PAN3: variants seen among roughly 807,000 people sequenced by gnomAD.
PAN3 encodes poly(A) specific ribonuclease subunit PAN3.
Under a neutral mutation model 96.2 loss-of-function variants are expected in PAN3, and 19 were observed. That is an observed-to-expected ratio of 0.20 (90% CI 0.14 to 0.29). The LOEUF (loss-of-function observed/expected upper bound fraction) is 0.29. Ranked by LOEUF, PAN3 falls within the 10% of genes least tolerant of loss-of-function variation. The pLI is 1.00. For missense variants in PAN3, 882 were observed against 1,108.1 expected, an observed-to-expected ratio of 0.80 and a Z score of 2.90; for synonymous variants, 433 against 406.6, an observed-to-expected ratio of 1.06 and a Z score of -0.78.
chr13:28,247,741 T>A (rs1367796142), intron 6 of PAN3, among the ~76,000 whole-genome samples: 1 of 152,168 alleles, frequency 6.6e-6, no homozygotes, highest in African/African-American at 2.4e-5. Flanking sequence ...CCTATAAATA[T>A]GTGTATTTAT....
intron 7 of PAN3, among the ~76,000 whole-genome samples, chr13:28,258,416 C>T (rs1211277814): frequency 2.0e-5 from 3 of 152,100 alleles, no homozygotes; most frequent in Non-Finnish European, 4.4e-5. Context: ...ATAAAGAGAA[C>T]AAAGGGTGGT....
intron 5 of PAN3, chr13:28,214,651 T>C (rs1372384431): frequency 4.6e-6 from 2 of 435,002 alleles, no homozygotes; most frequent in Non-Finnish European, 8.5e-6. Flanking sequence ...AAAAGGAGGC[T>C]GCTGAGATGG....
chr13:28,232,710 G>A (rs1465936709), intron 6 of PAN3: 1 of 152,102 alleles, frequency 6.6e-6, no homozygotes, highest in African/African-American at 2.4e-5. Flanking sequence ...GATATGCACA[G>A]AATTACATAT....
rs142053243 is a variant in PAN3 at position 28,209,388 on chromosome 13, G to T, written c.853-10843G>T. Reference sequence around the variant, plus strand: ...TACGCATTCCCCCATTCCCTCTCAGGCATAAGGAAACTATTTTACATAAAT... The same window carrying T: ...TACGCATTCCCCCATTCCCTCTCAGTCATAAGGAAACTATTTTACATAAAT... On this transcript the variant is annotated intron_variant, in intron 5 of 18. Coordinates refer to ENST00000380958, the MANE Select transcript of PAN3 (RefSeq NM_175854.8). Among the ~76,000 whole-genome samples, 263 of 152,222 alleles carry T rather than the reference G, an allele frequency of 1.7e-3. 2 individuals are homozygous for T. The highest frequency in any genetic ancestry group is 5.8e-3 in the African/African-American group (242 of 41,528).
At position 28,138,866 on chromosome 13, in the gene PAN3, AC is replaced by A; in HGVS notation, c.212del (p.Pro71LeufsTer82). On this transcript the variant is annotated frameshift_variant, in exon 1 of 19. Transcript: ENST00000380958. LOFTEE classifies it high-confidence loss of function. ...YGEECQFLHE[D>X]PAAGAAPGLG... is the part of the protein sequence containing the mutation. ...GAGGAGTGTCAGTTCCTGCATGAGG[AC>A]CCTGCCGCCGGGGCTGCCCCGGGCC... 7.0e-7 allele frequency: 1 copy of A among 1,420,272 alleles called. No homozygotes were observed. Among genetic ancestry groups the A allele is most frequent in the Non-Finnish European group, 9.2e-7 (1 of 1,091,400 alleles). The allele number at this position is 1,420,272 out of a possible 1,614,324, so 88.0% of individuals were successfully genotyped here.
intron 1 of PAN3, among the ~76,000 whole-genome samples, chr13:28,167,502 A>G (rs1285967791): frequency 2.0e-5 from 3 of 151,846 alleles, no homozygotes; most frequent in Non-Finnish European, 4.4e-5. Flanking sequence ...CAGGCTGAGA[A>G]TTTCCCAAAT....
intron 9 of PAN3, among the ~76,000 whole-genome samples, chr13:28,261,681 T>C (rs929841262): frequency 6.6e-6 from 1 of 151,550 alleles, no homozygotes; most frequent in Non-Finnish European, 1.5e-5. Flanking sequence ...AAAAATAAAT[T>C]AGCTGGGAGT....
intron 4 of PAN3, among the ~76,000 whole-genome samples, chr13:28,196,286 A>T (rs967048936): frequency 6.6e-6 from 1 of 152,112 alleles, no homozygotes; most frequent in Non-Finnish European, 1.5e-5. Flanking sequence ...CCTAAGCATG[A>T]ATTAGTGTTT....
chr13:28,289,789 G>A (rs1192926257), intron 18 of PAN3, among the ~76,000 whole-genome samples: 2 of 152,218 alleles, frequency 1.3e-5, no homozygotes, highest in Non-Finnish European at 2.9e-5. Flanking sequence ...GGCTGAGACA[G>A]GAGAATGGCG....
chr13:28,186,197 T>C (rs1346708184), intron 4 of PAN3, among the ~76,000 whole-genome samples: 2 of 152,200 alleles, frequency 1.3e-5, no homozygotes, highest in African/African-American at 2.4e-5. Flanking sequence ...ATTTCTTCAT[T>C]TGGGTATATG....
intron 1 of PAN3, among the ~76,000 whole-genome samples, chr13:28,153,072 G>A (rs925998177): frequency 5.3e-5 from 8 of 152,200 alleles, no homozygotes; most frequent in South Asian, 2.1e-4. Context: ...CTGATCTGAC[G>A]TAGGGAAAAG....
Position 28,293,477 on chromosome 13 carries a change from A to G in PAN3, c.*955A>G, listed in dbSNP as rs1196425600. 2 of 124,418 alleles carry G rather than the reference A, an allele frequency of 1.6e-5. No homozygotes were observed. The highest frequency in any genetic ancestry group is 3.1e-5 in the Non-Finnish European group (2 of 63,868). The allele number at this position is 124,418 out of a possible 1,614,324, so 7.7% of individuals were successfully genotyped here. ...AACCACAGCTTTATTATGGTCCTTT[A>G]CACTGGAGACAGACACAGAGACACT... is the stretch of plus-strand genomic sequence containing the variant. On this transcript the variant is annotated 3_prime_UTR_variant, in exon 19 of 19. Coordinates refer to ENST00000380958, the MANE Select transcript of PAN3 (RefSeq NM_175854.8).
At chr13:28,194,985 C>CAAA (rs1877836937) in intron 4 of PAN3, among the ~76,000 whole-genome samples, 2 of 152,032 alleles carry the variant, frequency 1.3e-5, no homozygotes, top group South Asian at 4.2e-4. Flanking sequence ...TTCTTATTCA[C>CAAA]AAAATTTCCC....
At chr13:28,148,891 T>C (rs1871016592) in intron 1 of PAN3, among the ~76,000 whole-genome samples, 1 of 152,200 alleles carries the variant, frequency 6.6e-6, no homozygotes, top group Non-Finnish European at 1.5e-5. Flanking sequence ...TTAGATTCTT[T>C]ATAATGGATA....
At chr13:28,215,586 G>C (rs1436385798) in intron 5 of PAN3, 1 of 791,474 alleles carries the variant, frequency 1.3e-6, no homozygotes, top group Admixed American at 2.0e-5. Flanking sequence ...CTATGCCCTT[G>C]TACTGAATTG....
intron 1 of PAN3, among the ~76,000 whole-genome samples, chr13:28,142,678 A>G (rs1014352098): frequency 4.6e-5 from 7 of 152,154 alleles, no homozygotes; most frequent in African/African-American, 1.7e-4. Context: ...CATATATACC[A>G]TAATTTAGTG....
At chr13:28,267,454 GA>G in intron 12 of PAN3, 53 bp downstream of exon 12, 1 of 1,398,198 alleles carries the variant, frequency 7.2e-7, no homozygotes, top group Non-Finnish European at 1.0e-6. Context: ...TTGCTCTGTG[GA>G]AGAGTAGTTT....
At chr13:28,266,993 C>A in intron 10 of PAN3, 102 bp from the exon 11 acceptor site, 1 of 1,281,786 alleles carries the variant, frequency 7.8e-7, no homozygotes, top group Non-Finnish European at 1.1e-6. Context: ...GAAATTAGTA[C>A]CTCATGAGCA....
intron 1 of PAN3, among the ~76,000 whole-genome samples, chr13:28,171,437 C>T (rs1006791749): frequency 6.6e-6 from 1 of 152,166 alleles, no homozygotes; most frequent in Non-Finnish European, 1.5e-5. Context: ...AGCTCAGTCA[C>T]GCAAGACTGC....
Sources: gnomAD v4.1 joint callset for allele counts (sites outside exome capture counted in the v4.1 genomes callset) on GRCh38, gnomAD v4.1.1 for gene constraint, MANE v1.5 for transcripts, NCBI Gene and HGNC (gene_info 2026-07-23, HGNC 2026-07-21) for gene names.